Variants in CYLC2 observed in about 807,000 individuals in gnomAD.
CYLC2 encodes the protein cylicin 2.
CYLC2 carries 30 observed loss-of-function variants against 26.1 expected under a neutral mutation model. The observed-to-expected ratio is 1.15, with a 90% CI of 0.86 to 1.56. CYLC2 has a LOEUF of 1.56. CYLC2 is among the 40% of genes most tolerant of loss of function. CYLC2 has a pLI of 0.00. For synonymous variants in CYLC2, 158 were observed against 132.8 expected (o/e 1.19, Z -1.31); for missense variants, 498 against 394.4 (o/e 1.26, Z -2.23).
chr9:103,015,051 A>G (rs1179911443), intron 6 of CYLC2, among the ~76,000 whole-genome samples: 2 of 133,234 alleles, frequency 1.5e-5, no homozygotes, highest in Non-Finnish European at 3.2e-5. Context: ...CATAATTTGT[A>G]TATTATGTAG....
In CYLC2 at chr9:103,000,642, C is replaced by T. The variant is rs141591855; in HGVS notation, c.18-936C>T. ...TTTTATAGCACGAAAAAATGTGCCA[C>T]GTTTTATGCTGCTAGCTTCATTCTT... On this transcript the variant is annotated intron_variant, in intron 1 of 7. Transcript: ENST00000374798. 2.6e-4 allele frequency among the ~76,000 whole-genome samples: 39 copies of T among 152,080 alleles called. No individual in the cohort carries two copies. The East Asian group carries it at 6.2e-3, about 24-fold the overall frequency.
At chr9:103,014,609 AT>A (rs1314732718) in intron 6 of CYLC2, among the ~76,000 whole-genome samples, 134 of 143,976 alleles carry the variant, frequency 9.3e-4, no homozygotes, top group African/African-American at 2.9e-3. Context: ...TGCAGTATAC[AT>A]CATATGTATA....
In CYLC2 at chr9:103,001,604, A is replaced by G. The variant is rs1387317338; in HGVS notation, c.44A>G (p.Asp15Gly). Residue 15 changes from aspartate to glycine, a missense_variant, in exon 2 of 8, where the codon GAT (aspartate) becomes GGT (glycine). Physicochemically the swap from Asp to Gly is moderately conservative, Grantham distance 94. Coordinates refer to ENST00000374798, the MANE Select transcript of CYLC2 (RefSeq NM_001340.5). ...CAAAGAGTAAACTTTGGGCCATATG[A>G]TAATTACATTCCAGGTAAGAAAGCA... ...RFQRVNFGPY[D>G]NYIPVSELSK... The G allele has an allele frequency of 6.4e-7, 1 of 1,560,844 alleles. No homozygotes were observed. Among genetic ancestry groups the G allele is most frequent in the Non-Finnish European group, 8.8e-7 (1 of 1,136,774 alleles).
chr9:103,001,740 C>G (rs1017248067), intron 2 of CYLC2, 122 bp downstream of exon 2: 3 of 626,486 alleles, frequency 4.8e-6, no homozygotes, highest in Non-Finnish European at 8.2e-6. Context: ...TTAACTATTT[C>G]CCAAGGAACC....
In CYLC2 at chr9:103,011,614, C is replaced by A. The variant is rs1399558098; in HGVS notation, c.*701-368C>A. ...AGGATAAGGCACCATTAATACAATT[C>A]CAAAAGGGCTCAACTTTGCAAGAGA... is the stretch of plus-strand genomic sequence containing the variant. On this transcript the variant is annotated intron_variant, in intron 5 of 7. Transcript: ENST00000374798. 5.9e-5 allele frequency among the ~76,000 whole-genome samples: 9 copies of A among 152,056 alleles called. No homozygotes were observed. In the East Asian group the frequency reaches 1.7e-3, roughly 29 times the overall value.
intron 6 of CYLC2, among the ~76,000 whole-genome samples, chr9:103,013,858 T>G (rs1829450837): frequency 1.1e-5 from 1 of 91,724 alleles, no homozygotes; most frequent in South Asian, 3.0e-4. Context: ...TACAATGTAT[T>G]ATATATTATA....
chr9:103,014,438 T>A (rs1829464793), intron 6 of CYLC2, among the ~76,000 whole-genome samples: 1 of 97,054 alleles, frequency 1.0e-5, no homozygotes, highest in African/African-American at 3.4e-5. Flanking sequence ...TAATGTATAT[T>A]ACATAATATA....
At chr9:103,006,674 A>G (rs1159217073) in intron 5 of CYLC2, among the ~76,000 whole-genome samples, 1 of 151,980 alleles carries the variant, frequency 6.6e-6, no homozygotes, top group Non-Finnish European at 1.5e-5. Flanking sequence ...TCGGCCTCCC[A>G]AAGTGCTGGG....
intron 6 of CYLC2, among the ~76,000 whole-genome samples, chr9:103,013,474 AAT>A (rs1286496378): frequency 2.9e-5 from 3 of 104,880 alleles, no homozygotes; most frequent in African/African-American, 4.0e-5. Flanking sequence ...ATATTATATA[AAT>A]ATATATTTAA....
At chr9:102,997,394 T>C (rs1054060509) in intron 1 of CYLC2, among the ~76,000 whole-genome samples, 2 of 151,908 alleles carry the variant, frequency 1.3e-5, no homozygotes, top group African/African-American at 2.4e-5. Flanking sequence ...AATAAATCCA[T>C]GCTAAGAAAC....
intron 2 of CYLC2, among the ~76,000 whole-genome samples, chr9:103,002,070 G>T (rs1170131158): frequency 6.6e-6 from 1 of 152,002 alleles, no homozygotes; most frequent in African/African-American, 2.4e-5. Flanking sequence ...CAGATACTGA[G>T]CCTAAATATA....
intron 6 of CYLC2, among the ~76,000 whole-genome samples, chr9:103,014,367 A>G (rs118056276): frequency 0.057 from 7,769 of 137,270 alleles, 264 homozygotes; most frequent in South Asian, 0.11. Context: ...ATTACATAAT[A>G]TACATTATGT....
intron 6 of CYLC2, among the ~76,000 whole-genome samples, chr9:103,014,440 C>CGT (rs1829464927): frequency 4.3e-5 from 4 of 92,232 alleles, no homozygotes; most frequent in South Asian, 5.1e-4. Flanking sequence ...ATGTATATTA[C>CGT]ATAATATACA....
intron 6 of CYLC2, among the ~76,000 whole-genome samples, chr9:103,014,836 C>T (rs1427810451): frequency 5.1e-5 from 5 of 98,846 alleles, no homozygotes; most frequent in Admixed American, 1.2e-4. Context: ...ATGTAATATA[C>T]GTATGTATAT....
intron 6 of CYLC2, among the ~76,000 whole-genome samples, chr9:103,016,490 C>A (rs1416077739): frequency 6.6e-6 from 1 of 152,110 alleles, no homozygotes; most frequent in East Asian, 1.9e-4. Flanking sequence ...TGTGTGTCCA[C>A]AAGCCATTTA....
rs1484257267 is a variant in CYLC2 at position 103,005,169 on chromosome 9, G to A, written c.538G>A (p.Asp180Asn). ...KGKDSATESE[D>N]EKGGAKKDNK... is the part of the protein sequence containing the mutation. ...CAAAGACTCAGCAACAGAATCTGAA[G>A]ATGAAAAAGGAGGTGCAAAGAAAGA... is the stretch of plus-strand genomic sequence containing the variant. Residue 180 changes from aspartate to asparagine, a missense_variant, in exon 5 of 8, where the codon GAT (aspartate) becomes AAT (asparagine). Asp to Asn is a conservative substitution (Grantham distance 23). Coordinates refer to ENST00000374798, the MANE Select transcript of CYLC2 (RefSeq NM_001340.5). 5 of 1,605,142 alleles carry A rather than the reference G, an allele frequency of 3.1e-6. No homozygotes were observed. The highest frequency in any genetic ancestry group is 3.5e-5 in the Admixed American group (2 of 57,410).
intron 3 of CYLC2, among the ~76,000 whole-genome samples, chr9:103,004,321 G>A (rs780144858): frequency 1.3e-5 from 2 of 152,046 alleles, no homozygotes; most frequent in Non-Finnish European, 2.9e-5. Flanking sequence ...AGATATTAGA[G>A]AATAGTTTCT....
At chr9:103,006,835 G>C (rs1320858029) in intron 5 of CYLC2, among the ~76,000 whole-genome samples, 3 of 152,074 alleles carry the variant, frequency 2.0e-5, no homozygotes, top group South Asian at 4.1e-4. Context: ...AAGTTCAAAA[G>C]ATCTATTTTA....
chr9:103,005,287 A>G lies in CYLC2; in HGVS notation c.656A>G (p.Lys219Arg). Residue 219 changes from lysine to arginine, a missense_variant, in exon 5 of 8, where the codon AAA becomes AGA. Coordinates refer to ENST00000374798, the MANE Select transcript of CYLC2 (RefSeq NM_001340.5). ...GGAGGTACAGAGAAAGATAGCAAAA[A>G]AGGTAAAAAGGATTCAAAGAAGGGC... is the stretch of plus-strand genomic sequence containing the variant. ...EKGGTEKDSK[K>R]GKKDSKKGKD... 1 of 1,613,772 alleles carries G rather than the reference A, an allele frequency of 6.2e-7. No individual in the cohort carries two copies. The highest frequency in any genetic ancestry group is 8.5e-7 in the Non-Finnish European group (1 of 1,179,914).
Sources: allele counts gnomAD v4.1 joint callset (sites outside exome capture counted in the v4.1 genomes callset), GRCh38; gene constraint gnomAD v4.1.1; transcripts MANE v1.5; gene names NCBI Gene and HGNC (gene_info 2026-07-23, HGNC 2026-07-21).